The following COL9A3 variants were observed in gnomAD, a reference collection of about 807,000 sequenced individuals.
The protein encoded by COL9A3 is collagen alpha-3(IX) chain.
In COL9A3, 82 loss-of-function variants were observed where a neutral mutation model predicts 110.2. The ratio of observed to expected loss-of-function variants is 0.74; its 90% CI spans 0.62 to 0.89. The LOEUF (loss-of-function observed/expected upper bound fraction) is 0.89. COL9A3 is among the 40% of genes least tolerant of loss of function. COL9A3 has a pLI of 0.00. For missense variants in COL9A3, 1,066 were observed against 981.3 expected, an observed-to-expected ratio of 1.09 and a Z score of -1.15; for synonymous variants, 494 against 403.8, an observed-to-expected ratio of 1.22 and a Z score of -2.68.
chr20:62,825,761 A>T, intron 12 of COL9A3, 56 bp from the exon 13 acceptor site: 1 of 1,527,380 alleles, frequency 6.5e-7, no homozygotes, highest in East Asian at 2.5e-5. Context: ...GGAGGCACCG[A>T]AAGGTGCAAG....
intron 10 of COL9A3, 57 bp from the exon 11 acceptor site, chr20:62,824,388 G>T: frequency 1.3e-6 from 2 of 1,526,934 alleles, no homozygotes; most frequent in Non-Finnish European, 8.9e-7. Flanking sequence ...TGACCCCTGC[G>T]TCGGACGTCC....
chr20:62,822,099 C>A lies in COL9A3; in HGVS notation c.424-12C>A. 6.6e-7 allele frequency: 1 copy of A among 1,517,304 alleles called. No individual in the cohort carries two copies. Among genetic ancestry groups the A allele is most frequent in the Non-Finnish European group, 9.2e-7 (1 of 1,092,412 alleles). The allele number at this position is 1,517,304 out of a possible 1,614,324, so 94.0% of individuals were successfully genotyped here. A position where few individuals can be genotyped will look rare whatever the true frequency, so the allele number is the denominator to read the frequency against. Reference sequence around the variant, plus strand: ...CTGGTCCCACTCTGTCTAAGTCATACCCCCTCCCCAGGGACCTTCTGGACT... The same window carrying A: ...CTGGTCCCACTCTGTCTAAGTCATAACCCCTCCCCAGGGACCTTCTGGACT... On this transcript the variant is annotated splice_polypyrimidine_tract_variant and intron_variant, in intron 8 of 31. Transcript: ENST00000649368.
chr20:62,837,367 G>A, intron 30 of COL9A3, 102 bp downstream of exon 30: 1 of 1,313,450 alleles, frequency 7.6e-7, no homozygotes, highest in Non-Finnish European at 1.1e-6. Context: ...GCCCTCAGGG[G>A]TAACCCCTGG....
At chr20:62,819,322 C>T (rs769572529) in intron 4 of COL9A3, 29 bp downstream of exon 4, 3 of 1,591,256 alleles carry the variant, frequency 1.9e-6, no homozygotes, top group East Asian at 4.5e-5. Context: ...CCCCGCCATG[C>T]CCCACTCCCC....
chr20:62,816,909 G>A (rs1197868246), upstream of COL9A3, among the ~76,000 whole-genome samples: 1 of 151,678 alleles, frequency 6.6e-6, no homozygotes, highest in African/African-American at 2.4e-5. Flanking sequence ...CGGCGGCGCG[G>A]GGCGGGTGGA....
chr20:62,828,042 G>A (rs945869338), intron 17 of COL9A3, 66 bp downstream of exon 17: 43 of 1,560,104 alleles, frequency 2.8e-5, no homozygotes, highest in Non-Finnish European at 3.5e-5. Flanking sequence ...AGGTGGAGAT[G>A]GCATTCAGAA....
chr20:62,821,291 C>A, intron 6 of COL9A3, 75 bp downstream of exon 6: 2 of 1,493,432 alleles, frequency 1.3e-6, no homozygotes, highest in Non-Finnish European at 1.9e-6. Context: ...ATGGGGTGGC[C>A]TCCAGGAATC....
At chr20:62,819,171 G>A in intron 3 of COL9A3, 51 bp from the exon 4 acceptor site, 2 of 1,570,928 alleles carry the variant, frequency 1.3e-6, no homozygotes, top group Non-Finnish European at 1.7e-6. Flanking sequence ...TGAAGGCCTG[G>A]GCTCCAGGCC....
intron 8 of COL9A3, 21 bp from the exon 9 acceptor site, chr20:62,822,090 T>C (rs2063517351): frequency 6.7e-7 from 1 of 1,495,158 alleles, no homozygotes; most frequent in Non-Finnish European, 9.3e-7. Context: ...CCACTCTGTC[T>C]AAGTCATACC....
At position 62,821,097 on chromosome 20, in the gene COL9A3, T is replaced by C; in HGVS notation, c.310-84T>C. The C allele has an allele frequency of 3.6e-6, 5 of 1,384,446 alleles. No homozygotes were observed. In the South Asian group the frequency reaches 6.1e-5, roughly 17 times the overall value. 85.8% of individuals were successfully genotyped at this position (1,384,446 alleles called of 1,614,324 possible). On this transcript the variant is annotated intron_variant, in intron 5 of 31. Coordinates refer to ENST00000649368, the MANE Select transcript of COL9A3 (RefSeq NM_001853.4). ...GACCCTGTTGTCCTGGGAGTTGGAG[T>C]TGTGACGTCACACTTCAGAGGGAGG...
In COL9A3 at chr20:62,818,501, G is replaced by A. The variant is rs770284701; in HGVS notation, c.148-17G>A. The A allele has an allele frequency of 1.2e-6, 2 of 1,612,618 alleles. No individual in the cohort carries two copies. The highest frequency in any genetic ancestry group is 1.7e-5 in the Admixed American group (1 of 60,038). On this transcript the variant is annotated splice_polypyrimidine_tract_variant and intron_variant, in intron 2 of 31. Coordinates refer to ENST00000649368, the MANE Select transcript of COL9A3 (RefSeq NM_001853.4). Reference sequence around the variant, plus strand: ...CCCCTGATTTTCAGGGTTACATGTGGGTGTCTTTCCTCACAGGGAGAAGCT... The same window carrying A: ...CCCCTGATTTTCAGGGTTACATGTGAGTGTCTTTCCTCACAGGGAGAAGCT...
rs112287677 is a variant in COL9A3 at position 62,830,056 on chromosome 20, G to T, written c.1161+237G>T. Among the ~76,000 whole-genome samples the T allele has an allele frequency of 0.022, 3,323 of 152,254 alleles. 126 individuals are homozygous for T. Among genetic ancestry groups the T allele is most frequent in the African/African-American group, 0.073 (3,029 of 41,528 alleles). On this transcript the variant is annotated intron_variant, in intron 22 of 31. Transcript: ENST00000649368. ...CCTTCTATGCTGAGCCCAGCCTTGT[G>T]CCCCCATAGACTGAGATAATGACAG...
At chr20:62,817,721 A>T in intron 2 of COL9A3, 86 bp downstream of exon 2, 1 of 915,686 alleles carries the variant, frequency 1.1e-6, no homozygotes, top group Non-Finnish European at 1.6e-6. Context: ...CCTGATGGAG[A>T]GAAAACCAGG....
intron 15 of COL9A3, 50 bp from the exon 16 acceptor site, chr20:62,827,191 A>G: frequency 1.9e-6 from 3 of 1,603,398 alleles, no homozygotes; most frequent in Non-Finnish European, 1.7e-6. Context: ...CTACTCTCCG[A>G]CCAACTCCAT....
chr20:62,840,604 C>G lies in COL9A3; in HGVS notation c.1927C>G (p.Pro643Ala). The G allele has an allele frequency of 6.2e-7, 1 of 1,613,228 alleles. No homozygotes were observed. ...GQDGAPGEPG[P>A]PGDPGLPGAI... The stretch of plus-strand genomic sequence containing the variant: ...GGACGGTGCTCCCGGCGAGCCTGGG[C>G]CTCCCGGAGATCCTGGGCTTCCAGG... Residue 643 changes from proline to alanine, a missense_variant, in exon 32 of 32, where the codon CCT becomes GCT. Coordinates refer to ENST00000649368, the MANE Select transcript of COL9A3 (RefSeq NM_001853.4).
intron 31 of COL9A3, among the ~76,000 whole-genome samples, chr20:62,839,165 C>A (rs898751735): frequency 6.6e-6 from 1 of 151,696 alleles, no homozygotes; most frequent in Non-Finnish European, 1.5e-5. Context: ...GCGGAGGTTG[C>A]AGGTTGCAGT....
intron 26 of COL9A3, 72 bp downstream of exon 26, chr20:62,833,136 C>G: frequency 7.8e-7 from 1 of 1,280,152 alleles, no homozygotes; most frequent in Non-Finnish European, 1.1e-6. Flanking sequence ...GGGAACAGTC[C>G]TGGGGACAGG....
In COL9A3 at chr20:62,836,347, C is replaced by G. The variant is rs760030522; in HGVS notation, c.1548+14C>G. 2.1e-5 allele frequency: 34 copies of G among 1,613,710 alleles called. No individual in the cohort carries two copies. Among genetic ancestry groups the G allele is most frequent in the Non-Finnish European group, 6.8e-6 (8 of 1,180,034 alleles). Reference sequence around the variant, plus strand: ...CCGGGAGTTCCGGTACGTCGCTTTTCCGGCTTTTCCAGCTTTCACAGGGTT... The same window carrying G: ...CCGGGAGTTCCGGTACGTCGCTTTTGCGGCTTTTCCAGCTTTCACAGGGTT... On this transcript the variant is annotated intron_variant, in intron 28 of 31. Coordinates refer to ENST00000649368, the MANE Select transcript of COL9A3 (RefSeq NM_001853.4).
chr20:62,834,894 C>T (rs888489803), intron 26 of COL9A3, among the ~76,000 whole-genome samples: 2 of 152,210 alleles, frequency 1.3e-5, no homozygotes, highest in African/African-American at 4.8e-5. Flanking sequence ...TCGCCTTGGC[C>T]TCCCAAAGTG....
Sources: gnomAD v4.1 joint callset for allele counts (sites outside exome capture counted in the v4.1 genomes callset) on GRCh38, gnomAD v4.1.1 for gene constraint, MANE v1.5 for transcripts, NCBI Gene and HGNC (gene_info 2026-07-23, HGNC 2026-07-21) for gene names.